The following TENM3 variants were observed in gnomAD, a reference collection of about 807,000 sequenced individuals.
TENM3 encodes the protein teneurin transmembrane protein 3, also known as teneurin-3.
Under a neutral mutation model 255.1 loss-of-function variants are expected in TENM3, and 63 were observed. That is an observed-to-expected ratio of 0.25 (90% CI 0.20 to 0.30). The LOEUF is 0.30. TENM3 is among the 10% of genes least tolerant of loss of function. The pLI is 1.00. For synonymous variants in TENM3, 1,306 were observed against 1,322.3 expected (o/e 0.99, Z 0.27); for missense variants, 2,929 against 3,461.1 (o/e 0.85, Z 3.86).
At chr4:182,441,469 T>G (rs1246276673) in intron 3 of TENM3, among the ~76,000 whole-genome samples, 3 of 152,222 alleles carry the variant, frequency 2.0e-5, no homozygotes, top group Admixed American at 6.5e-5. Context: ...CATCCATCCA[T>G]CCACTCATTC....
At chr4:182,736,703 G>A in intron 16 of TENM3, 105 bp from the exon 17 acceptor site, 1 of 1,087,396 alleles carries the variant, frequency 9.2e-7, no homozygotes, top group South Asian at 1.7e-5. Flanking sequence ...CTAAGACACA[G>A]AGAGTCACTA....
chr4:182,256,095 G>C (rs1301739036), intron 1 of TENM3, among the ~76,000 whole-genome samples: 2 of 152,276 alleles, frequency 1.3e-5, no homozygotes, highest in South Asian at 2.1e-4. Flanking sequence ...TGTACGTATA[G>C]GTTCCAACCG....
chr4:182,403,920 C>T (rs1360656861), intron 3 of TENM3, among the ~76,000 whole-genome samples: 1 of 152,098 alleles, frequency 6.6e-6, no homozygotes, highest in South Asian at 2.1e-4. Context: ...CCAGGTCTCC[C>T]TATGTTGCCC....
At chr4:181,976,473 G>C in the TENM3 span, 1 of 152,188 alleles carries the variant, frequency 6.6e-6, no homozygotes, top group Non-Finnish European at 1.5e-5. Context: ...TATGAGACCC[G>C]ATCTCACATT....
chr4:182,417,797 A>G (rs1328241098), intron 3 of TENM3, among the ~76,000 whole-genome samples: 2 of 152,256 alleles, frequency 1.3e-5, no homozygotes, highest in Non-Finnish European at 2.9e-5. Flanking sequence ...AGATAAAGCC[A>G]GGAAGAGCCC....
intron 3 of TENM3, among the ~76,000 whole-genome samples, chr4:182,348,854 G>A (rs1422706514): frequency 6.6e-6 from 1 of 152,026 alleles, no homozygotes; most frequent in African/African-American, 2.4e-5. Flanking sequence ...CCAAATGTTA[G>A]GGAGAAGGGA....
the TENM3 span, among the ~76,000 whole-genome samples, chr4:181,692,703 G>T: frequency 6.6e-6 from 1 of 152,174 alleles, no homozygotes; most frequent in South Asian, 2.1e-4. Flanking sequence ...GGCAGATCAG[G>T]ATCTATGGCT....
chr4:181,511,267 C>A, the TENM3 span, among the ~76,000 whole-genome samples: 1 of 152,134 alleles, frequency 6.6e-6, no homozygotes, highest in South Asian at 2.1e-4. Context: ...TATACCAAAC[C>A]TGTGGTTAAT....
At chr4:181,758,472 G>A in the TENM3 span, among the ~76,000 whole-genome samples, 2 of 152,134 alleles carry the variant, frequency 1.3e-5, no homozygotes, top group Admixed American at 6.5e-5. Context: ...CATTTCCTCA[G>A]CCTGGGAACT....
At chr4:182,522,751 A>G (rs1738715911) in intron 3 of TENM3, among the ~76,000 whole-genome samples, 1 of 152,218 alleles carries the variant, frequency 6.6e-6, no homozygotes, top group African/African-American at 2.4e-5. Flanking sequence ...GCTCTCGTGA[A>G]TAATTCTGTA....
At chr4:182,466,126 A>T (rs553924344) in intron 3 of TENM3, among the ~76,000 whole-genome samples, 1 of 152,330 alleles carries the variant, frequency 6.6e-6, no homozygotes, top group African/African-American at 2.4e-5. Context: ...TGCAAGAAAG[A>T]TGTAATTCTT....
chr4:182,202,163 G>A (rs779305482), intron 1 of TENM3, among the ~76,000 whole-genome samples: 1 of 152,220 alleles, frequency 6.6e-6, no homozygotes, highest in Non-Finnish European at 1.5e-5. Flanking sequence ...TGGAAAGCCT[G>A]AGAGTTTTAT....
At chr4:182,489,020 C>T (rs1314943746) in intron 3 of TENM3, among the ~76,000 whole-genome samples, 1 of 152,086 alleles carries the variant, frequency 6.6e-6, no homozygotes, top group Non-Finnish European at 1.5e-5. Flanking sequence ...ACTTTCTACT[C>T]TTCATTTTTA....
In TENM3 at chr4:182,745,148, A is replaced by C. The variant is rs566261980; in HGVS notation, c.3629+1729A>C. Among the ~76,000 whole-genome samples the C allele has an allele frequency of 6.9e-4, 105 of 152,346 alleles. 1 individual carries two copies. In the South Asian group the frequency reaches 0.021, roughly 31 times the overall value. On this transcript the variant is annotated intron_variant, in intron 19 of 27. Transcript: ENST00000511685. ...AACTGTTGTGTAGTGATTAGCAAAC[A>C]AAAACCAAACTAGCAAACAAAAACC...
the TENM3 span, among the ~76,000 whole-genome samples, chr4:181,748,664 G>T: frequency 6.6e-6 from 1 of 152,066 alleles, no homozygotes. Context: ...TATAAAAAAA[G>T]TAAGTTGTAA....
intron 12 of TENM3, among the ~76,000 whole-genome samples, chr4:182,703,960 T>A (rs533576276): frequency 6.6e-6 from 1 of 152,232 alleles, no homozygotes; most frequent in African/African-American, 2.4e-5. Flanking sequence ...ATCACTGTTA[T>A]AACCAACTTC....
In TENM3 at chr4:182,392,322, T is replaced by G. The variant is rs563589869; in HGVS notation, c.511+45393T>G. Among the ~76,000 whole-genome samples the G allele has an allele frequency of 3.9e-5, 6 of 152,328 alleles. No homozygotes were observed. In the East Asian group the frequency reaches 9.6e-4, roughly 24 times the overall value. On this transcript the variant is annotated intron_variant, in intron 3 of 27. Coordinates refer to ENST00000511685, the MANE Select transcript of TENM3 (RefSeq NM_001080477.4). ...CCGAAATCTGTTGAATCGCTTTAACTGTGAAACAGCAAATGTTGATTTACT... is the reference window on the plus strand; with the variant it reads ...CCGAAATCTGTTGAATCGCTTTAACGGTGAAACAGCAAATGTTGATTTACT...
intron 1 of TENM3, among the ~76,000 whole-genome samples, chr4:182,238,190 A>C (rs1412589979): frequency 3.3e-5 from 5 of 152,114 alleles, no homozygotes; most frequent in African/African-American, 4.8e-5. Flanking sequence ...TAGCCTCAGG[A>C]TATGTGAGTC....
the TENM3 span, among the ~76,000 whole-genome samples, chr4:181,716,116 A>C: frequency 3.3e-5 from 5 of 152,226 alleles, no homozygotes; most frequent in African/African-American, 1.2e-4. Flanking sequence ...GTTTGGATTA[A>C]AATGTACTGA....
Sources: gnomAD v4.1 joint callset for allele counts (sites outside exome capture counted in the v4.1 genomes callset) on GRCh38, gnomAD v4.1.1 for gene constraint, MANE v1.5 for transcripts, NCBI Gene and HGNC (gene_info 2026-07-23, HGNC 2026-07-21) for gene names.